The following AADAC variants were observed in gnomAD, a reference collection of about 807,000 sequenced individuals.
The protein encoded by AADAC is arylacetamide deacetylase (esterase).
A neutral mutation model predicts 22.7 loss-of-function variants in AADAC; 17 were observed. The ratio of observed to expected loss-of-function variants is 0.75; its 90% CI spans 0.51 to 1.12. The LOEUF (loss-of-function observed/expected upper bound fraction) is 1.12. Ranked by LOEUF, AADAC falls within the 50% of genes most tolerant of loss-of-function variation. The pLI is 0.00. For synonymous variants in AADAC, 167 were observed against 176.3 expected, an observed-to-expected ratio of 0.95 and a Z score of 0.42; for missense variants, 465 against 473.9, an observed-to-expected ratio of 0.98 and a Z score of 0.17.
In AADAC at chr3:151,817,495, C is replaced by T; in HGVS notation, c.268C>T (p.Leu90Phe). Reference protein sequence around the residue: ...TVTETKFNNILVRVYVPKRKS... With the variant: ...TVTETKFNNIFVRVYVPKRKS... ...GACTGAGACAAAATTCAACAACATT[C>T]TTGTTCGGGTATATGTGCCAAAGAG... Residue 90 changes from leucine to phenylalanine, a missense_variant, in exon 2 of 5, where the codon CTT (leucine) becomes TTT (phenylalanine). Leu to Phe is a conservative substitution (Grantham distance 22). Coordinates refer to ENST00000232892, the MANE Select transcript of AADAC (RefSeq NM_001086.3). 6.2e-7 allele frequency: 1 copy of T among 1,613,756 alleles called. No individual in the cohort carries two copies. The highest frequency in any genetic ancestry group is 8.5e-7 in the Non-Finnish European group (1 of 1,179,726).
In AADAC at chr3:151,826,593, T is replaced by C. The variant is rs570711604; in HGVS notation, c.604-983T>C. Among the ~76,000 whole-genome samples, 90 of 152,108 alleles carry C rather than the reference T, an allele frequency of 5.9e-4. 4 individuals carry two copies. Among genetic ancestry groups the C allele is most frequent in the Non-Finnish European group, 1.2e-3 (79 of 67,960 alleles). On this transcript the variant is annotated intron_variant, in intron 4 of 4. Coordinates refer to ENST00000232892, the MANE Select transcript of AADAC (RefSeq NM_001086.3). ...GAAGTTCTATACATCTTTTATAGTA[T>C]ATTACACACTTCAAAAACACAAAAT...
At chr3:151,820,062 C>T (rs191928850) in intron 2 of AADAC, among the ~76,000 whole-genome samples, 1 of 152,040 alleles carries the variant, frequency 6.6e-6, no homozygotes, top group East Asian at 1.9e-4. Context: ...TAAAACAGAG[C>T]CAAATCAGTA....
chr3:151,827,947 T>C lies in AADAC; in HGVS notation c.975T>C (p.Asp325=), dbSNP rs1033980745. The C allele has an allele frequency of 3.7e-6, 6 of 1,611,100 alleles. No individual in the cohort carries two copies. In the Admixed American group the frequency reaches 6.7e-5, roughly 18 times the overall value. ...LDVRAAPLLA[D]DNKLRGLPLT... is the part of the protein sequence containing the mutation. Reference sequence around the variant, plus strand: ...TGAGGGCAGCCCCTTTGTTGGCTGATGACAACAAATTACGTGGCTTACCCC... The same window carrying C: ...TGAGGGCAGCCCCTTTGTTGGCTGACGACAACAAATTACGTGGCTTACCCC... Residue 325 remains aspartate, a synonymous_variant, in exon 5 of 5, where the codon GAT becomes GAC. Transcript: ENST00000232892.
At chr3:151,827,179 T>C (rs1382918468) in intron 4 of AADAC, among the ~76,000 whole-genome samples, 4 of 151,974 alleles carry the variant, frequency 2.6e-5, no homozygotes, top group African/African-American at 9.7e-5. Flanking sequence ...TGCAAAGTTC[T>C]GGGATTACAG....
chr3:151,817,341 G>A, intron 1 of AADAC, 25 bp from the exon 2 acceptor site: 1 of 1,587,170 alleles, frequency 6.3e-7, no homozygotes, highest in Non-Finnish European at 8.6e-7. Flanking sequence ...TTGAATTTCA[G>A]GAGGTTTGTG....
chr3:151,817,662 A>C, intron 2 of AADAC, 74 bp downstream of exon 2: 1 of 1,339,578 alleles, frequency 7.5e-7, no homozygotes, highest in Non-Finnish European at 1.1e-6. Context: ...CAGTAGGTAC[A>C]CATGCCCTTC....
chr3:151,825,993 A>T (rs1716476962), intron 4 of AADAC, among the ~76,000 whole-genome samples: 1 of 100,450 alleles, frequency 1.0e-5, no homozygotes, highest in Admixed American at 1.1e-4. Context: ...TAAGTAGAAC[A>T]TATGTAGAAG....
chr3:151,817,586 C>T lies in AADAC; in HGVS notation c.359C>T (p.Ala120Val). Residue 120 changes from alanine to valine, a missense_variant and splice_region_variant, in exon 2 of 5, where the codon GCT (alanine) becomes GTT (valine). Ala to Val is a moderately conservative substitution (Grantham distance 64). Transcript: ENST00000232892. ...GGTGGAGGCTGGTGCGTGGGAAGTG[C>T]TGGTAAGTGAATGCTTTGAAAAATC... ...IHGGGWCVGS[A>V]ALSGYDLLSR... The T allele has an allele frequency of 6.2e-7, 1 of 1,612,442 alleles. No homozygotes were observed. Among genetic ancestry groups the T allele is most frequent in the Non-Finnish European group, 8.5e-7 (1 of 1,178,808 alleles).
At chr3:151,814,395 C>G (rs1715894540) in intron 1 of AADAC, 95 bp downstream of exon 1, 1 of 1,269,298 alleles carries the variant, frequency 7.9e-7, no homozygotes, top group East Asian at 2.6e-5. Context: ...GATTTATTGA[C>G]TTATTCATCT....
rs542690238 is a variant in AADAC, at chr3:151,823,358, T to C, written c.432-1305T>C. On this transcript the variant is annotated intron_variant, in intron 3 of 4. Transcript: ENST00000232892. ...CTTAAAGTTTGTGTGTGTATATATA[T>C]GTGGGTATAGACATATGTATACTAT... Among the ~76,000 whole-genome samples the C allele has an allele frequency of 8.0e-4, 122 of 152,042 alleles. 3 individuals are homozygous for C. The highest frequency in any genetic ancestry group is 2.8e-3 in the African/African-American group (115 of 41,528).
intron 4 of AADAC, among the ~76,000 whole-genome samples, chr3:151,826,619 TA>T (rs745628062): frequency 8.6e-5 from 13 of 152,006 alleles, no homozygotes; most frequent in African/African-American, 1.4e-4. Context: ...AACACAAAAT[TA>T]TTTTTTAACC....
At chr3:151,826,032 A>G (rs1444570175) in intron 4 of AADAC, among the ~76,000 whole-genome samples, 1 of 151,984 alleles carries the variant, frequency 6.6e-6, no homozygotes, top group African/African-American at 2.4e-5. Flanking sequence ...GACTTTAGTT[A>G]CAAACGAGGG....
At chr3:151,817,079 T>A (rs1716017212) in intron 1 of AADAC, among the ~76,000 whole-genome samples, 1 of 152,066 alleles carries the variant, frequency 6.6e-6, no homozygotes, top group Non-Finnish European at 1.5e-5. Flanking sequence ...CAGCTAATCT[T>A]GTATTTCCAG....
intron 1 of AADAC, among the ~76,000 whole-genome samples, chr3:151,816,236 A>T (rs1306741503): frequency 6.6e-6 from 1 of 151,958 alleles, no homozygotes; most frequent in Non-Finnish European, 1.5e-5. Flanking sequence ...ATGTGCAACC[A>T]GCTCCATAGC....
At position 151,828,305 on chromosome 3, in the gene AADAC, C is replaced by T; in HGVS notation, c.*133C>T. ...GCATAATTCTTAAATAGGCACTTTT[C>T]TGTTTTTTTTTTCTTACTGTGGGAT... is the stretch of plus-strand genomic sequence containing the variant. On this transcript the variant is annotated 3_prime_UTR_variant, in exon 5 of 5. Transcript: ENST00000232892. The T allele has an allele frequency of 2.1e-6, 1 of 467,792 alleles. No individual in the cohort carries two copies. The highest frequency in any genetic ancestry group is 3.5e-6 in the Non-Finnish European group (1 of 281,828). The allele number at this position is 467,792 out of a possible 1,614,324, so 29.0% of individuals were successfully genotyped here.
chr3:151,818,111 G>A (rs1716069563), intron 2 of AADAC, among the ~76,000 whole-genome samples: 1 of 151,424 alleles, frequency 6.6e-6, no homozygotes, highest in African/African-American at 2.4e-5. Context: ...TGTGGTGGCG[G>A]GCACACATTA....
chr3:151,822,974 T>C (rs1478750076), intron 3 of AADAC, among the ~76,000 whole-genome samples: 5 of 152,050 alleles, frequency 3.3e-5, no homozygotes, highest in Non-Finnish European at 7.4e-5. Context: ...AATATCTCAG[T>C]AAAATGGTTA....
rs182540421 is a variant in AADAC at position 151,818,375 on chromosome 3, C to T, written c.361+787C>T. 1.1e-4 allele frequency among the ~76,000 whole-genome samples: 17 copies of T among 151,952 alleles called. No homozygotes were observed. The East Asian group carries it at 3.3e-3, about 29-fold the overall frequency. On this transcript the variant is annotated intron_variant, in intron 2 of 4. Coordinates refer to ENST00000232892, the MANE Select transcript of AADAC (RefSeq NM_001086.3). ...AGTGATAAATGTAGGAAATAATAGG[C>T]CAGAATGTTAGAAGAAAAACCTTAG...
Position 151,817,391 on chromosome 3 carries a change from T to A in AADAC, c.164T>A (p.Leu55His), listed in dbSNP as rs2108026504. 1.2e-6 allele frequency: 2 copies of A among 1,613,618 alleles called. No homozygotes were observed. Among genetic ancestry groups the A allele is most frequent in the Non-Finnish European group, 1.7e-6 (2 of 1,179,576 alleles). The change falls in exon 2 of 5, where the codon CTT (leucine) becomes CAT (histidine). Residue 55 changes from leucine to histidine, a missense_variant. By Grantham distance (99) the Leu-to-His change is moderately conservative. Transcript: ENST00000232892. ...GCTACATTTGTGGAGCTCCTGGGAC[T>A]TCACCATTTTATGGATTCCTTTAAG... ...NLATFVELLG[L>H]HHFMDSFKVV...
Sources: gnomAD v4.1 joint callset for allele counts (sites outside exome capture counted in the v4.1 genomes callset) on GRCh38, gnomAD v4.1.1 for gene constraint, MANE v1.5 for transcripts, NCBI Gene and HGNC (gene_info 2026-07-23, HGNC 2026-07-21) for gene names.